Variants in CFAP70 observed in about 807,000 individuals in gnomAD.
CFAP70 encodes cilia and flagella associated protein 70, also known as cilia- and flagella-associated protein 70.
A neutral mutation model predicts 137.6 loss-of-function variants in CFAP70; 81 were observed. The observed-to-expected ratio is 0.59, with a 90% CI of 0.49 to 0.71. The LOEUF (loss-of-function observed/expected upper bound fraction) is 0.71. Ranked by LOEUF, CFAP70 falls within the 30% of genes least tolerant of loss-of-function variation. The probability of loss-of-function intolerance (pLI) is 0.00; values close to 1 mark genes in which losing one functional copy is unlikely to be tolerated. For synonymous variants in CFAP70, 382 were observed against 423.6 expected (o/e 0.90, Z 1.20); for missense variants, 976 against 1,226.7 (o/e 0.80, Z 3.05).
At chr10:73,264,693 T>C (rs1246309103) in intron 25 of CFAP70, among the ~76,000 whole-genome samples, 4 of 152,222 alleles carry the variant, frequency 2.6e-5, no homozygotes, top group East Asian at 1.9e-4. Context: ...TAGCCTGATA[T>C]ATAGTATGTA....
In CFAP70 at chr10:73,266,445, A is replaced by C. The variant is rs551151662; in HGVS notation, c.3027+3169T>G. Among the ~76,000 whole-genome samples the C allele has an allele frequency of 7.2e-5, 11 of 151,990 alleles. No individual in the cohort carries two copies. In the South Asian group the frequency reaches 2.1e-3, roughly 29 times the overall value. On this transcript the variant is annotated intron_variant, in intron 25 of 26. Coordinates refer to ENST00000310715, the Ensembl canonical transcript of CFAP70. The stretch of plus-strand genomic sequence containing the variant: ...GTTCCTACCTAATCCTTTTACCTTC[A>C]GTTTCTTTTATGTGTGTATGTATAT...
At chr10:73,291,655 C>T in exon 18 of CFAP70, 1 of 1,613,444 alleles carries the variant, frequency 6.2e-7, no homozygotes, top group Non-Finnish European at 8.5e-7. Context: ...AAAGTCCAGG[C>T]TACAACATTA....
At chr10:73,266,688 T>G (rs566034793) in intron 25 of CFAP70, among the ~76,000 whole-genome samples, 49 of 152,270 alleles carry the variant, frequency 3.2e-4, no homozygotes, top group Admixed American at 5.9e-4. Flanking sequence ...ATGATTTAGT[T>G]TTTAAAATAA....
chr10:73,262,467 A>G (rs2045351108), intron 25 of CFAP70, among the ~76,000 whole-genome samples: 1 of 152,186 alleles, frequency 6.6e-6, no homozygotes, highest in African/African-American at 2.4e-5. Context: ...CAATTTGGAT[A>G]TGCAAAAGAG....
At chr10:73,344,685 A>G (rs1285254674) in intron 5 of CFAP70, among the ~76,000 whole-genome samples, 1 of 152,226 alleles carries the variant, frequency 6.6e-6, no homozygotes, top group East Asian at 1.9e-4. Context: ...AATCATTCCT[A>G]TACCTAGAAA....
At chr10:73,333,955 G>A (rs1489989130) in intron 7 of CFAP70, among the ~76,000 whole-genome samples, 2 of 152,158 alleles carry the variant, frequency 1.3e-5, no homozygotes, top group African/African-American at 2.4e-5. Flanking sequence ...AGCTAACAAT[G>A]TATAAAAAAG....
In CFAP70 at chr10:73,297,027, G is replaced by A. The variant is rs373613139; in HGVS notation, c.1644+15C>T. ...CTACAGAGAAAAGAAAGTGCTCTCAGTTCTTGACACTTACCTGGTTTAGGG... is the reference window on the plus strand; with the variant it reads ...CTACAGAGAAAAGAAAGTGCTCTCAATTCTTGACACTTACCTGGTTTAGGG... On this transcript the variant is annotated intron_variant, in intron 15 of 26. Transcript: ENST00000310715. 12 of 1,610,710 alleles carry A rather than the reference G, an allele frequency of 7.5e-6. No homozygotes were observed. Among genetic ancestry groups the A allele is most frequent in the Non-Finnish European group, 1.0e-5 (12 of 1,178,746 alleles).
intron 19 of CFAP70, among the ~76,000 whole-genome samples, chr10:73,287,314 AGTATTTGTGT>A (rs2047801038): frequency 6.6e-6 from 1 of 152,224 alleles, no homozygotes; most frequent in Non-Finnish European, 1.5e-5. Flanking sequence ...TACAATGGTA[AGTATTTGTGT>A]ATCTAAACAT....
chr10:73,332,142 C>T (rs145609015), intron 7 of CFAP70, among the ~76,000 whole-genome samples: 3 of 152,268 alleles, frequency 2.0e-5, no homozygotes, highest in Non-Finnish European at 2.9e-5. Context: ...CAGCAGAAGT[C>T]AATGGTGCCA....
Position 73,278,175 on chromosome 10 carries a change from T to C in CFAP70, c.2398+4A>G, listed in dbSNP as rs1391270278. ...TCCAAGTGGAAATCTTTATTTCTAG[T>C]TACCTTTCTTTGTTGGTATCTCCTT... On this transcript the variant is annotated splice_donor_region_variant and intron_variant, in intron 20 of 26. Coordinates refer to ENST00000310715, the Ensembl canonical transcript of CFAP70. 6.2e-7 allele frequency: 1 copy of C among 1,612,956 alleles called. No individual in the cohort carries two copies. The highest frequency in any genetic ancestry group is 8.5e-7 in the Non-Finnish European group (1 of 1,179,588).
chr10:73,272,747 T>G, intron 24 of CFAP70, 181 bp downstream of exon 25: 1 of 675,684 alleles, frequency 1.5e-6, no homozygotes, highest in Non-Finnish European at 2.7e-6. Context: ...AGATCTTTTA[T>G]TTTTCTAGCT....
At chr10:73,286,398 C>T (rs1255185819) in intron 19 of CFAP70, among the ~76,000 whole-genome samples, 1 of 151,974 alleles carries the variant, frequency 6.6e-6, no homozygotes, top group African/African-American at 2.4e-5. Flanking sequence ...GAGCCGAGAT[C>T]GCACCACTGC....
chr10:73,259,813 T>A (rs2044960805), intron 25 of CFAP70, among the ~76,000 whole-genome samples: 1 of 152,106 alleles, frequency 6.6e-6, no homozygotes, highest in Non-Finnish European at 1.5e-5. Context: ...GAAAGATCGC[T>A]CGAGCCCATG....
At chr10:73,259,921 G>C (rs1477995483) in intron 25 of CFAP70, among the ~76,000 whole-genome samples, 2 of 151,848 alleles carry the variant, frequency 1.3e-5, no homozygotes, top group East Asian at 1.9e-4. Context: ...CAGCTACTTG[G>C]GGGGCTGAGG....
At chr10:73,286,170 C>T (rs1040999979) in intron 19 of CFAP70, among the ~76,000 whole-genome samples, 5 of 152,060 alleles carry the variant, frequency 3.3e-5, no homozygotes, top group South Asian at 2.1e-4. Flanking sequence ...CTTGGCCTGG[C>T]GCGGTGGCTC....
chr10:73,345,590 A>G lies in CFAP70; in HGVS notation c.350-476T>C, dbSNP rs993193489. ...GGAGCCAAGGCAGGTGGATCACCTG[A>G]TATCAGGGGTTCAAGACCAGCCTGG... On this transcript the variant is annotated intron_variant, in intron 4 of 26. Coordinates refer to ENST00000310715, the Ensembl canonical transcript of CFAP70. Among the ~76,000 whole-genome samples the G allele has an allele frequency of 2.0e-5, 3 of 152,056 alleles. No homozygotes were observed. The South Asian group carries it at 6.2e-4, about 32-fold the overall frequency.
intron 19 of CFAP70, among the ~76,000 whole-genome samples, chr10:73,288,086 C>T (rs1026987546): frequency 1.3e-5 from 2 of 151,866 alleles, no homozygotes; most frequent in African/African-American, 2.4e-5. Flanking sequence ...TTAGTAGAGA[C>T]GGGTTTCGCC....
chr10:73,269,296 TG>T (rs1157035896), intron 25 of CFAP70, among the ~76,000 whole-genome samples: 1 of 152,218 alleles, frequency 6.6e-6, no homozygotes, highest in Non-Finnish European at 1.5e-5. Flanking sequence ...AGCATTTCAA[TG>T]GGAAGAAATG....
intron 12 of CFAP70, among the ~76,000 whole-genome samples, chr10:73,301,568 T>A (rs2048957147): frequency 6.6e-6 from 1 of 152,142 alleles, no homozygotes; most frequent in African/African-American, 2.4e-5. Flanking sequence ...AAAAAGTAGA[T>A]AAACGGCTGC....
Sources: gnomAD v4.1 joint callset for allele counts (sites outside exome capture counted in the v4.1 genomes callset) on GRCh38, gnomAD v4.1.1 for gene constraint, MANE v1.5 for transcripts, NCBI Gene and HGNC (gene_info 2026-07-23, HGNC 2026-07-21) for gene names.